Variants in KATNIP observed in about 807,000 individuals in gnomAD.
KATNIP encodes katanin-interacting protein.
A neutral mutation model predicts 174.0 loss-of-function variants in KATNIP; 126 were observed. The observed-to-expected ratio is 0.72, with a 90% CI of 0.63 to 0.84. The LOEUF (loss-of-function observed/expected upper bound fraction) is 0.84, where lower values mean the gene tolerates loss of function less well. KATNIP is among the 40% of genes least tolerant of loss of function. The pLI is 0.00. For missense variants in KATNIP, 1,958 were observed against 2,109.7 expected (o/e 0.93, Z 1.41); for synonymous variants, 810 against 835.7 (o/e 0.97, Z 0.53).
At chr16:27,582,305 G>C (rs994255640) in intron 2 of KATNIP, among the ~76,000 whole-genome samples, 1 of 152,128 alleles carries the variant, frequency 6.6e-6, no homozygotes, top group African/African-American at 2.4e-5. Context: ...AAAAGAAAAG[G>C]CAAGTTGGTG....
intron 1 of KATNIP, among the ~76,000 whole-genome samples, chr16:27,558,337 G>A (rs1414920275): frequency 6.6e-6 from 1 of 152,010 alleles, no homozygotes; most frequent in Non-Finnish European, 1.5e-5. Context: ...GTAGGGATGG[G>A]GTTTCATATG....
chr16:27,736,795 G>A (rs1223185344), intron 14 of KATNIP, among the ~76,000 whole-genome samples: 1 of 152,200 alleles, frequency 6.6e-6, no homozygotes, highest in Non-Finnish European at 1.5e-5. Context: ...TGAAGTGAGT[G>A]CAGGGTTTGG....
intron 6 of KATNIP, chr16:27,654,746 G>A: frequency 7.4e-7 from 1 of 1,351,986 alleles, no homozygotes; most frequent in South Asian, 1.1e-5. Context: ...GGTAAGATCA[G>A]TTTTCAGCAT....
At chr16:27,679,004 C>G (rs1370587792) in intron 7 of KATNIP, 2 of 152,282 alleles carry the variant, frequency 1.3e-5, no homozygotes, top group Non-Finnish European at 2.9e-5. Flanking sequence ...CTGCCTGCAC[C>G]TCTGTATCCT....
At chr16:27,658,480 T>TA (rs1230684031) in intron 6 of KATNIP, among the ~76,000 whole-genome samples, 1 of 152,136 alleles carries the variant, frequency 6.6e-6, no homozygotes, top group African/African-American at 2.4e-5. Flanking sequence ...TTGAGGACTG[T>TA]AAAAAAGGGA....
chr16:27,587,778 T>C (rs982066893), intron 2 of KATNIP, among the ~76,000 whole-genome samples: 16 of 152,204 alleles, frequency 1.1e-4, no homozygotes, highest in African/African-American at 3.9e-4. Flanking sequence ...TGAAGTACAG[T>C]TTCCACTGAA....
intron 6 of KATNIP, among the ~76,000 whole-genome samples, chr16:27,665,940 G>C (rs1196443496): frequency 6.6e-6 from 1 of 152,088 alleles, no homozygotes; most frequent in Non-Finnish European, 1.5e-5. Context: ...TTTTCCTTTA[G>C]TTCTTTATGG....
intron 14 of KATNIP, among the ~76,000 whole-genome samples, chr16:27,739,291 T>C (rs1031537227): frequency 6.6e-6 from 1 of 152,144 alleles, no homozygotes; most frequent in Non-Finnish European, 1.5e-5. Context: ...ACTGCTTCAA[T>C]GATGGAGCCA....
intron 6 of KATNIP, among the ~76,000 whole-genome samples, chr16:27,663,152 C>CTTTTTTT (rs11440523): frequency 1.8e-3 from 147 of 79,994 alleles, no homozygotes; most frequent in Non-Finnish European, 2.2e-3. Context: ...TTTTCTTCTT[C>CTTTTTTT]TTTTTTTTTT....
chr16:27,631,767 C>T (rs2076498464), intron 5 of KATNIP, among the ~76,000 whole-genome samples: 1 of 152,182 alleles, frequency 6.6e-6, no homozygotes, highest in African/African-American at 2.4e-5. Context: ...TGAGTACCCA[C>T]TATGTGCCAG....
intron 7 of KATNIP, among the ~76,000 whole-genome samples, chr16:27,679,339 C>G (rs1359590622): frequency 1.3e-5 from 2 of 152,132 alleles, no homozygotes; most frequent in Non-Finnish European, 2.9e-5. Context: ...ATCTCCTCTT[C>G]TTAGGAGAAG....
intron 1 of KATNIP, among the ~76,000 whole-genome samples, chr16:27,570,110 C>T (rs965777222): frequency 6.6e-5 from 10 of 152,052 alleles, no homozygotes; most frequent in African/African-American, 1.9e-4. Flanking sequence ...AACGACTGAA[C>T]GCAGGTCTCA....
In KATNIP at chr16:27,721,578, G is replaced by A. The variant is rs1158231779; in HGVS notation, c.1626G>A (p.Pro542=). 1.1e-5 allele frequency: 18 copies of A among 1,614,092 alleles called. No homozygotes were observed. The highest frequency in any genetic ancestry group is 2.2e-5 in the East Asian group (1 of 44,876). The change falls in exon 14 of 28, where the codon CCG becomes CCA. Residue 542 remains proline, a synonymous_variant. Coordinates refer to ENST00000261588, the MANE Select transcript of KATNIP (RefSeq NM_015202.5). Reference sequence around the variant, plus strand: ...TCTAGGGCAAGAAAGACTCCTCCCCGTGGACCTGCCCCTTCCACCCACCAC... The same window carrying A: ...TCTAGGGCAAGAAAGACTCCTCCCCATGGACCTGCCCCTTCCACCCACCAC... ...RNLAGKKDSS[P]WTCPFHPPLQ...
intron 1 of KATNIP, among the ~76,000 whole-genome samples, chr16:27,572,729 G>A (rs1014056842): frequency 4.7e-4 from 72 of 152,272 alleles, no homozygotes; most frequent in African/African-American, 1.7e-3. Flanking sequence ...AGAGAGGAGG[G>A]CAGTTTAGGG....
intron 8 of KATNIP, among the ~76,000 whole-genome samples, chr16:27,682,864 A>C (rs1229124914): frequency 1.3e-5 from 2 of 152,106 alleles, no homozygotes; most frequent in Non-Finnish European, 2.9e-5. Flanking sequence ...AAGGGTTATC[A>C]TGGGAGTGGG....
intron 13 of KATNIP, 43 bp from the exon 14 acceptor site, chr16:27,721,515 C>T (rs758384845): frequency 1.2e-6 from 2 of 1,612,848 alleles, no homozygotes; most frequent in East Asian, 2.2e-5. Flanking sequence ...TGGGGAGAGG[C>T]AGAAATGTGC....
At chr16:27,703,579 C>T (rs760950973) in intron 11 of KATNIP, among the ~76,000 whole-genome samples, 7 of 152,206 alleles carry the variant, frequency 4.6e-5, no homozygotes, top group African/African-American at 7.2e-5. Context: ...AAACAGGTCA[C>T]GGGCTGGATT....
Position 27,556,020 on chromosome 16 carries a change from C to T in KATNIP, c.7+5843C>T, listed in dbSNP as rs1407602750. 4.0e-5 allele frequency among the ~76,000 whole-genome samples: 6 copies of T among 148,332 alleles called. No individual in the cohort carries two copies. In the East Asian group the frequency reaches 6.0e-4, roughly 15 times the overall value. On this transcript the variant is annotated intron_variant, in intron 1 of 27. Coordinates refer to ENST00000261588, the MANE Select transcript of KATNIP (RefSeq NM_015202.5). ...GCGGGTGCCTGTAATCCCAGATACT[C>T]GGGAGGCTGAGGCAGAGAATTGCTT...
At chr16:27,593,435 T>A (rs1032895837) in intron 2 of KATNIP, among the ~76,000 whole-genome samples, 5 of 151,760 alleles carry the variant, frequency 3.3e-5, no homozygotes, top group Admixed American at 2.6e-4. Context: ...ATGGGGTTTC[T>A]CCATATTGAT....
Sources: allele counts gnomAD v4.1 joint callset (sites outside exome capture counted in the v4.1 genomes callset), GRCh38; gene constraint gnomAD v4.1.1; transcripts MANE v1.5; gene names NCBI Gene and HGNC (gene_info 2026-07-23, HGNC 2026-07-21).